Variants in EPHB1 observed in about 807,000 individuals in gnomAD.
The protein encoded by EPHB1 is ephrin type-B receptor 1.
EPHB1 carries 30 observed loss-of-function variants against 94.4 expected under a neutral mutation model. That is an observed-to-expected ratio of 0.32 (90% CI 0.24 to 0.43). EPHB1 has a LOEUF of 0.43. Among genes scored for constraint, EPHB1 ranks in the 20% least tolerant of loss-of-function variants. The probability of loss-of-function intolerance (pLI) is 1.00; values close to 1 mark genes in which losing one functional copy is unlikely to be tolerated. For missense variants in EPHB1, 1,055 were observed against 1,308.3 expected, an observed-to-expected ratio of 0.81 and a Z score of 2.99; for synonymous variants, 522 against 489.1, an observed-to-expected ratio of 1.07 and a Z score of -0.89.
chr3:135,141,934 A>C (rs1228965442), intron 5 of EPHB1, among the ~76,000 whole-genome samples: 1 of 152,198 alleles, frequency 6.6e-6, no homozygotes, highest in East Asian at 1.9e-4. Context: ...GACATGGAGA[A>C]CAAAGAAAGC....
chr3:134,882,810 C>CTTTCTTTCTTTCTTTCTTTCT (rs1578167522), intron 1 of EPHB1, among the ~76,000 whole-genome samples: 1 of 75,050 alleles, frequency 1.3e-5, no homozygotes, highest in South Asian at 5.9e-4. Context: ...TTCTTTCTTT[C>CTTTCTTTCTTTCTTTCTTTCT]TTTCTTTCTT....
intron 3 of EPHB1, among the ~76,000 whole-genome samples, chr3:134,967,094 TG>T (rs1559775632): frequency 6.6e-6 from 1 of 152,132 alleles, no homozygotes; most frequent in Non-Finnish European, 1.5e-5. Context: ...GAGGGACACA[TG>T]GTGAAAAGAC....
At chr3:135,189,726 A>ATTCT (rs1181912661) in intron 10 of EPHB1, among the ~76,000 whole-genome samples, 2 of 152,216 alleles carry the variant, frequency 1.3e-5, no homozygotes, top group Admixed American at 1.3e-4. Context: ...GTAGAACAGA[A>ATTCT]GTTCTCAACT....
At chr3:134,809,876 G>C (rs1054712776) in intron 1 of EPHB1, among the ~76,000 whole-genome samples, 5 of 152,212 alleles carry the variant, frequency 3.3e-5, no homozygotes, top group Non-Finnish European at 5.9e-5. Flanking sequence ...AGAGAGTCCT[G>C]TCTTTGGACA....
At chr3:134,977,221 C>T (rs566953552) in intron 3 of EPHB1, among the ~76,000 whole-genome samples, 18 of 152,160 alleles carry the variant, frequency 1.2e-4, no homozygotes, top group Non-Finnish European at 2.4e-4. Context: ...GCCACTGTTG[C>T]GAGTGGCCTG....
At chr3:135,257,368 A>G (rs1463883983) in intron 15 of EPHB1, among the ~76,000 whole-genome samples, 1 of 151,584 alleles carries the variant, frequency 6.6e-6, no homozygotes, top group Non-Finnish European at 1.5e-5. Flanking sequence ...TTGGTCTTTG[A>G]TGATGGTGAT....
At chr3:135,003,035 T>C (rs1935243743) in intron 3 of EPHB1, among the ~76,000 whole-genome samples, 1 of 152,252 alleles carries the variant, frequency 6.6e-6, no homozygotes, top group African/African-American at 2.4e-5. Flanking sequence ...TTTCTAGCTC[T>C]TTTAATTGTG....
At chr3:135,155,906 A>C (rs902405298) in intron 6 of EPHB1, among the ~76,000 whole-genome samples, 1 of 151,892 alleles carries the variant, frequency 6.6e-6, no homozygotes, top group East Asian at 1.9e-4. Context: ...TGGATCATTT[A>C]AGCTGTTCCA....
chr3:134,937,255 A>C (rs2039021218), intron 2 of EPHB1, among the ~76,000 whole-genome samples: 1 of 152,226 alleles, frequency 6.6e-6, no homozygotes, highest in Admixed American at 6.5e-5. Context: ...CAGCATCCAA[A>C]GTCCCAGGAA....
intron 7 of EPHB1, among the ~76,000 whole-genome samples, chr3:135,163,038 A>G (rs968036516): frequency 1.3e-5 from 2 of 152,184 alleles, no homozygotes; most frequent in African/African-American, 2.4e-5. Context: ...TGACTCCCCA[A>G]ATTGAAAGCT....
chr3:135,206,071 A>G (rs542181292), intron 12 of EPHB1, among the ~76,000 whole-genome samples: 2 of 152,318 alleles, frequency 1.3e-5, no homozygotes, highest in Admixed American at 1.3e-4. Context: ...CCACTGTTCT[A>G]ATTTTTTTGA....
chr3:134,835,011 G>C (rs1175140549), intron 1 of EPHB1, among the ~76,000 whole-genome samples: 1 of 150,438 alleles, frequency 6.6e-6, no homozygotes, highest in Non-Finnish European at 1.5e-5. Context: ...CAAGTGAACA[G>C]GGGGTAATTT....
chr3:134,939,035 C>G (rs1046607213), intron 2 of EPHB1, among the ~76,000 whole-genome samples: 11 of 152,132 alleles, frequency 7.2e-5, no homozygotes, highest in African/African-American at 2.7e-4. Flanking sequence ...TCTGAATATA[C>G]TCTGCTTGAA....
chr3:134,851,495 C>A (rs866834176), intron 1 of EPHB1, among the ~76,000 whole-genome samples: 16 of 152,234 alleles, frequency 1.1e-4, no homozygotes, highest in Middle Eastern at 3.4e-3. Context: ...AGCTTCCCTT[C>A]TTTCTGTAGC....
intron 1 of EPHB1, among the ~76,000 whole-genome samples, chr3:134,836,248 G>A (rs1312871360): frequency 6.6e-6 from 1 of 152,084 alleles, no homozygotes; most frequent in Non-Finnish European, 1.5e-5. Flanking sequence ...GTCAATGCAA[G>A]GCATGATTTA....
At chr3:134,828,496 C>T (rs2036526285) in intron 1 of EPHB1, among the ~76,000 whole-genome samples, 2 of 152,202 alleles carry the variant, frequency 1.3e-5, no homozygotes, top group Admixed American at 1.3e-4. Flanking sequence ...TAATTCCTAG[C>T]ATCTGCCTCA....
At chr3:135,166,770 G>A (rs1232263179) in intron 8 of EPHB1, among the ~76,000 whole-genome samples, 172 bp from the exon 9 acceptor site, 1 of 152,224 alleles carries the variant, frequency 6.6e-6, no homozygotes, top group Non-Finnish European at 1.5e-5. Context: ...GTGAGTGGTG[G>A]TCAACAAGAG....
chr3:135,259,281 T>G lies in EPHB1; in HGVS notation c.*161T>G. 1 of 534,430 alleles carries G rather than the reference T, an allele frequency of 1.9e-6. No individual in the cohort carries two copies. 33.1% of individuals were successfully genotyped at this position (534,430 alleles called of 1,614,324 possible). A position where few individuals can be genotyped will look rare whatever the true frequency, so the allele number is the denominator to read the frequency against. On this transcript the variant is annotated 3_prime_UTR_variant, in exon 16 of 16. Coordinates refer to ENST00000398015, the MANE Select transcript of EPHB1 (RefSeq NM_004441.5). ...CCGGACCTGTTGCTAGCAGGCAATC[T>G]CCATTTCTCAGTGACAGAAGCATGT... is the stretch of plus-strand genomic sequence containing the variant.
rs1553861885 is a variant in EPHB1, at chr3:134,882,763, TTC to T, written c.59-43052_59-43051del. ...CCTTCTTTCTTCCTTTCTTCCTTCC[TTC>T]CTTTCTTTCTTTCTTTCTTTCTTTC... On this transcript the variant is annotated intron_variant, in intron 1 of 15. Transcript: ENST00000398015. Among the ~76,000 whole-genome samples the T allele has an allele frequency of 7.2e-3, 241 of 33,340 alleles. 7 individuals carry two copies. The highest frequency in any genetic ancestry group is 0.023 in the African/African-American group (210 of 9,152). 21.9% of individuals were successfully genotyped at this position (33,340 alleles called of 152,430 possible). A position where few individuals can be genotyped will look rare whatever the true frequency, so the allele number is the denominator to read the frequency against.
Sources: gnomAD v4.1 joint callset for allele counts (sites outside exome capture counted in the v4.1 genomes callset) on GRCh38, gnomAD v4.1.1 for gene constraint, MANE v1.5 for transcripts, NCBI Gene and HGNC (gene_info 2026-07-23, HGNC 2026-07-21) for gene names.